BCL2L13: variants seen among roughly 807,000 people sequenced by gnomAD.
BCL2L13 encodes the protein BCL2 like 13.
In BCL2L13, 13 loss-of-function variants were observed where a neutral mutation model predicts 25.8. That is an observed-to-expected ratio of 0.50 (90% CI 0.33 to 0.80). The LOEUF is 0.80. Ranked by LOEUF, BCL2L13 falls within the 30% of genes least tolerant of loss-of-function variation. The pLI, the probability that BCL2L13 is intolerant of heterozygous loss-of-function variation, is 0.02. For synonymous variants in BCL2L13, 244 were observed against 230.3 expected (o/e 1.06, Z -0.54); for missense variants, 504 against 574.9 (o/e 0.88, Z 1.26).
At chr22:17,701,240 T>C (rs1456699905) in intron 5 of BCL2L13, among the ~76,000 whole-genome samples, 1 of 152,190 alleles carries the variant, frequency 6.6e-6, no homozygotes, top group Non-Finnish European at 1.5e-5. Context: ...ACAAGATAGC[T>C]CTTAGTTTTT....
chr22:17,716,120 T>C (rs1339398512), intron 6 of BCL2L13, among the ~76,000 whole-genome samples: 1 of 152,110 alleles, frequency 6.6e-6, no homozygotes, highest in Non-Finnish European at 1.5e-5. Context: ...TGGTACAAAA[T>C]AGATATTTTG....
intron 3 of BCL2L13, among the ~76,000 whole-genome samples, chr22:17,685,646 G>C (rs2059904584): frequency 6.7e-6 from 1 of 150,114 alleles, no homozygotes; most frequent in Non-Finnish European, 1.5e-5. Flanking sequence ...TCATTCATTA[G>C]TTAATGGAAA....
rs769514595 is a variant in BCL2L13 at position 17,668,452 on chromosome 22, GT to G, written c.121+12633del. ...TTTTAAATTTAGGTCTTTGATCTGTGTTTTTTTTTTTTTCTCCTGAGATGGA... is the reference window on the plus strand; with the variant it reads ...TTTTAAATTTAGGTCTTTGATCTGTGTTTTTTTTTTTTCTCCTGAGATGGA... On this transcript the variant is annotated intron_variant, in intron 2 of 6. Coordinates refer to ENST00000317582, the MANE Select transcript of BCL2L13 (RefSeq NM_015367.4). Among the ~76,000 whole-genome samples, 108 of 141,598 alleles carry G rather than the reference GT, an allele frequency of 7.6e-4. 1 individual carries two copies. The highest frequency in any genetic ancestry group is 1.0e-3 in the African/African-American group (41 of 39,068). 92.9% of individuals were successfully genotyped at this position (141,598 alleles called of 152,430 possible). A position where few individuals can be genotyped will look rare whatever the true frequency, so the allele number is the denominator to read the frequency against.
intron 2 of BCL2L13, among the ~76,000 whole-genome samples, chr22:17,680,104 C>T (rs1359589123): frequency 4.0e-5 from 6 of 150,972 alleles, no homozygotes; most frequent in African/African-American, 1.5e-4. Context: ...ATTCCAGCTA[C>T]TCGGGAGGGT....
At chr22:17,636,728 G>A (rs150146214), upstream of BCL2L13, among the ~76,000 whole-genome samples, 1 of 151,998 alleles carries the variant, frequency 6.6e-6, no homozygotes, top group Non-Finnish European at 1.5e-5. Flanking sequence ...CCCAGGAGGT[G>A]AGGTTCAGTG....
At chr22:17,636,234 G>A (rs2058103809), upstream of BCL2L13, among the ~76,000 whole-genome samples, 1 of 150,764 alleles carries the variant, frequency 6.6e-6, no homozygotes, top group Non-Finnish European at 1.5e-5. Flanking sequence ...TGAGGCAGGA[G>A]AATCACTTGA....
At chr22:17,716,251 GGTCCATAGAT>G (rs2060942899) in intron 6 of BCL2L13, among the ~76,000 whole-genome samples, 2 of 152,104 alleles carry the variant, frequency 1.3e-5, no homozygotes, top group Admixed American at 1.3e-4. Flanking sequence ...CTTAAACTGG[GGTCCATAGAT>G]GTGCTTCAGG....
At chr22:17,683,116 G>A in intron 2 of BCL2L13, 98 bp from the exon 3 acceptor site, 4 of 658,280 alleles carry the variant, frequency 6.1e-6, no homozygotes, top group Non-Finnish European at 1.1e-5. Flanking sequence ...CCCAGTGACA[G>A]TGCGAGACTC....
intron 1 of BCL2L13, 96 bp downstream of exon 1, chr22:17,638,982 TC>T: frequency 9.9e-7 from 1 of 1,006,934 alleles, no homozygotes; most frequent in Non-Finnish European, 1.3e-6. Flanking sequence ...AGCCACCGAC[TC>T]CCCAGTGGTT....
At chr22:17,719,827 CAAA>C (rs60474373) in intron 6 of BCL2L13, among the ~76,000 whole-genome samples, 1 of 91,136 alleles carries the variant, frequency 1.1e-5, no homozygotes, top group Middle Eastern at 6.0e-3. Context: ...GACTCCATCT[CAAA>C]AAAAAAAAAA....
At chr22:17,704,172 G>A (rs1036549815) in intron 6 of BCL2L13, among the ~76,000 whole-genome samples, 5 of 151,960 alleles carry the variant, frequency 3.3e-5, no homozygotes, top group Non-Finnish European at 5.9e-5. Flanking sequence ...TGCAGCCTCC[G>A]CCTCCCAGGT....
chr22:17,726,622 T>C, intron 6 of BCL2L13, 55 bp from the exon 7 acceptor site: 1 of 1,552,476 alleles, frequency 6.4e-7, no homozygotes, highest in Non-Finnish European at 8.7e-7. Context: ...AGATTGATGT[T>C]TATGTTTTAA....
At chr22:17,690,337 T>A (rs2535701) in intron 4 of BCL2L13, among the ~76,000 whole-genome samples, 51,733 of 125,556 alleles carry the variant, frequency 0.41, 9,674 homozygotes, top group African/African-American at 0.52. Context: ...AAGAAAAAAA[T>A]TTTTTTTTTA....
intron 3 of BCL2L13, among the ~76,000 whole-genome samples, chr22:17,685,126 G>C (rs1031184797): frequency 6.6e-6 from 1 of 152,038 alleles, no homozygotes; most frequent in Non-Finnish European, 1.5e-5. Flanking sequence ...CGCCCACCTC[G>C]GTCTCCCAAA....
chr22:17,642,701 C>G (rs760217839), intron 1 of BCL2L13, among the ~76,000 whole-genome samples: 7 of 151,794 alleles, frequency 4.6e-5, no homozygotes, highest in Non-Finnish European at 1.0e-4. Context: ...TTAAGCGATT[C>G]TCCTGCCTCA....
At chr22:17,712,544 C>T (rs527933578) in intron 6 of BCL2L13, among the ~76,000 whole-genome samples, 3 of 152,296 alleles carry the variant, frequency 2.0e-5, no homozygotes, top group East Asian at 1.9e-4. Flanking sequence ...TTCTGATCTT[C>T]ACAAAATGGA....
At chr22:17,630,228 A>C (rs1032831832) in intron 1 of BCL2L13, among the ~76,000 whole-genome samples, 33 of 151,742 alleles carry the variant, frequency 2.2e-4, no homozygotes, top group African/African-American at 5.8e-4. Context: ...AAAAAAACAA[A>C]AAAAAAAAAA....
chr22:17,639,807 G>A (rs913705314), intron 1 of BCL2L13, among the ~76,000 whole-genome samples: 6 of 151,672 alleles, frequency 4.0e-5, no homozygotes, highest in Non-Finnish European at 5.9e-5. Flanking sequence ...TCTCTGCCCT[G>A]ACTAGTGTGA....
chr22:17,693,730 T>C (rs1209370546), intron 4 of BCL2L13, among the ~76,000 whole-genome samples: 1 of 151,322 alleles, frequency 6.6e-6, no homozygotes, highest in African/African-American at 2.4e-5. Context: ...TCTTCTTTCT[T>C]TCCTTTTTCT....
Sources: allele counts gnomAD v4.1 joint callset (sites outside exome capture counted in the v4.1 genomes callset), GRCh38; gene constraint gnomAD v4.1.1; transcripts MANE v1.5; gene names NCBI Gene and HGNC (gene_info 2026-07-23, HGNC 2026-07-21).